NUDT7: variants seen among roughly 807,000 people sequenced by gnomAD.
The protein encoded by NUDT7 is nudix hydrolase 7.
Under a neutral mutation model 13.1 loss-of-function variants are expected in NUDT7, and 19 were observed. The ratio of observed to expected loss-of-function variants is 1.45; its 90% CI spans 1.01 to 2.13. NUDT7 has a LOEUF of 2.13. Among genes scored for constraint, NUDT7 ranks in the 30% most tolerant of loss-of-function variants. The pLI is 0.00. For missense variants in NUDT7, 360 were observed against 291.7 expected (o/e 1.23, Z -1.71); for synonymous variants, 132 against 109.7 (o/e 1.20, Z -1.27).
At chr16:77,734,933 CA>C (rs934739982) in intron 2 of NUDT7, among the ~76,000 whole-genome samples, 3 of 152,094 alleles carry the variant, frequency 2.0e-5, no homozygotes, top group Non-Finnish European at 2.9e-5. Flanking sequence ...TTGTACAACA[CA>C]GTAAATGTAT....
intron 3 of NUDT7, chr16:77,736,800 C>A (rs1227454023): frequency 6.1e-6 from 1 of 162,648 alleles, no homozygotes; most frequent in Non-Finnish European, 1.4e-5. Context: ...ACCACAACAA[C>A]CTCATTGTTT....
intron 2 of NUDT7, among the ~76,000 whole-genome samples, chr16:77,727,066 C>T (rs1266561459): frequency 2.6e-5 from 4 of 152,214 alleles, no homozygotes; most frequent in East Asian, 1.9e-4. Context: ...GATGATGGTG[C>T]TAAACCATGC....
intron 1 of NUDT7, among the ~76,000 whole-genome samples, chr16:77,724,932 A>G (rs1483271386): frequency 2.0e-5 from 3 of 152,224 alleles, no homozygotes; most frequent in Non-Finnish European, 4.4e-5. Flanking sequence ...ACTGAGTCAC[A>G]GTCTGGGACT....
At chr16:77,723,859 C>T (rs550100568) in intron 1 of NUDT7, among the ~76,000 whole-genome samples, 3 of 151,956 alleles carry the variant, frequency 2.0e-5, no homozygotes, top group Non-Finnish European at 2.9e-5. Context: ...CCCAAAGTGC[C>T]GGGATTACAG....
intron 2 of NUDT7, among the ~76,000 whole-genome samples, 169 bp from the exon 3 acceptor site, chr16:77,735,659 T>G (rs1220765547): frequency 6.6e-6 from 1 of 152,208 alleles, no homozygotes; most frequent in Non-Finnish European, 1.5e-5. Context: ...GGTTCATTTC[T>G]TAAAAAGGAT....
In NUDT7 at chr16:77,741,737, C is replaced by G. The variant is rs769236232; in HGVS notation, c.504C>G (p.His168Gln). ...AGCATTACGTCACACGTCTTGGTCA[C>G]CGTTTTATTAATCATATCTTTGAGT... ...HDQHYVTRLG[H>Q]RFINHIFEYT... Residue 168 changes from histidine to glutamine, a missense_variant, in exon 4 of 4, where the codon CAC becomes CAG. By Grantham distance (24) the His-to-Gln change is conservative. Coordinates refer to ENST00000268533, the MANE Select transcript of NUDT7 (RefSeq NM_001105663.3). The G allele has an allele frequency of 6.2e-6, 10 of 1,614,000 alleles. No individual in the cohort carries two copies. The Admixed American group carries it at 1.2e-4, about 19-fold the overall frequency.
At chr16:77,737,133 C>CAA (rs2014512607) in intron 3 of NUDT7, among the ~76,000 whole-genome samples, 1 of 152,146 alleles carries the variant, frequency 6.6e-6, no homozygotes, top group Non-Finnish European at 1.5e-5. Context: ...ACAAAGAAAC[C>CAA]AGTGTCAGCA....
In NUDT7 at chr16:77,735,972, C is replaced by T. The variant is rs961942393; in HGVS notation, c.334C>T (p.Pro112Ser). Residue 112 changes from proline (P) to serine (S), a missense_variant, in exon 3 of 4, where the codon CCA becomes TCA. Coordinates refer to ENST00000268533, the MANE Select transcript of NUDT7 (RefSeq NM_001105663.3). ...AGTGGAAGTTGTCTGCTGCCTGGTG[C>T]CATGTCTTATTGATGTAAGGGTTTC... ...HQVEVVCCLV[P>S]CLIDTDTLIT... 3.7e-6 allele frequency: 6 copies of T among 1,613,920 alleles called. No individual in the cohort carries two copies. The Admixed American group carries it at 6.7e-5, about 18-fold the overall frequency.
intron 2 of NUDT7, among the ~76,000 whole-genome samples, chr16:77,726,913 TCA>T (rs1885799893): frequency 6.6e-6 from 1 of 151,986 alleles, no homozygotes; most frequent in Non-Finnish European, 1.5e-5. Flanking sequence ...AGGCATCTGC[TCA>T]GTTTCTGGAA....
intron 2 of NUDT7, among the ~76,000 whole-genome samples, chr16:77,734,102 A>G (rs1340609686): frequency 6.6e-6 from 1 of 152,060 alleles, no homozygotes; most frequent in Non-Finnish European, 1.5e-5. Flanking sequence ...TCCTTTACCA[A>G]CACACGCAAA....
intron 2 of NUDT7, among the ~76,000 whole-genome samples, chr16:77,728,281 G>A (rs1263705644): frequency 6.6e-6 from 1 of 152,162 alleles, no homozygotes; most frequent in African/African-American, 2.4e-5. Context: ...CGCCCAGGCT[G>A]GAGTGCAGTG....
chr16:77,733,797 C>G (rs183186921), intron 2 of NUDT7, among the ~76,000 whole-genome samples: 1 of 152,332 alleles, frequency 6.6e-6, no homozygotes, highest in East Asian at 1.9e-4. Flanking sequence ...AGGACTCTTG[C>G]TGAGCCTGAG....
At chr16:77,741,058 G>A (rs375121984) in intron 3 of NUDT7, among the ~76,000 whole-genome samples, 1 of 152,154 alleles carries the variant, frequency 6.6e-6, no homozygotes, top group East Asian at 1.9e-4. Context: ...CATAAGTATA[G>A]CACATTTTTT....
rs572027427 is a variant in NUDT7, at chr16:77,741,780, G to A, written c.547G>A (p.Gly183Ser). Reference protein sequence around the residue: ...HIFEYTNPEDGVTYQIKGMTA... With the variant: ...HIFEYTNPEDSVTYQIKGMTA... The stretch of plus-strand genomic sequence containing the variant: ...CTTTGAGTACACAAACCCTGAAGAC[G>A]GTGTCACTTACCAGATCAAGGGAAT... Residue 183 changes from glycine to serine, a missense_variant, in exon 4 of 4, where the codon GGT becomes AGT. By Grantham distance (56) the Gly-to-Ser change is moderately conservative. Coordinates refer to ENST00000268533, the MANE Select transcript of NUDT7 (RefSeq NM_001105663.3). 1.4e-5 allele frequency: 23 copies of A among 1,614,058 alleles called. No individual in the cohort carries two copies. The highest frequency in any genetic ancestry group is 6.7e-5 in the African/African-American group (5 of 74,998).
rs2014676272 is a variant in NUDT7 at position 77,741,832 on chromosome 16, C to A, written c.599C>A (p.Ala200Asp). ...ACGGCAAACCTTGCAGTGTTGGTGG[C>A]CTTTATCATTTTGGAAAAAAAACCC... ...GMTANLAVLVAFIILEKKPTF... is the reference protein window; with the variant it reads ...GMTANLAVLVDFIILEKKPTF... The change falls in exon 4 of 4, where the codon GCC becomes GAC. Residue 200 changes from alanine to aspartate, a missense_variant. Coordinates refer to ENST00000268533, the MANE Select transcript of NUDT7 (RefSeq NM_001105663.3). The A allele has an allele frequency of 1.2e-6, 2 of 1,614,064 alleles. No homozygotes were observed. The highest frequency in any genetic ancestry group is 1.7e-6 in the Non-Finnish European group (2 of 1,180,016).
chr16:77,729,365 C>G (rs1437669166), intron 2 of NUDT7, among the ~76,000 whole-genome samples: 1 of 151,920 alleles, frequency 6.6e-6, no homozygotes, highest in Non-Finnish European at 1.5e-5. Context: ...AATTTACTAC[C>G]TCACATCATA....
chr16:77,725,699 G>GTGA, intron 2 of NUDT7, 115 bp downstream of exon 2: 1 of 915,516 alleles, frequency 1.1e-6, no homozygotes, highest in South Asian at 1.8e-5. Flanking sequence ...TTTCAAAATT[G>GTGA]TGATGTCAGA....
At chr16:77,740,012 T>TA (rs1468215199) in intron 3 of NUDT7, among the ~76,000 whole-genome samples, 2 of 152,122 alleles carry the variant, frequency 1.3e-5, no homozygotes, top group South Asian at 2.1e-4. Flanking sequence ...AGCACTTTCT[T>TA]AAAAAATCAC....
At chr16:77,737,704 C>G (rs1460857709) in intron 3 of NUDT7, among the ~76,000 whole-genome samples, 1 of 152,168 alleles carries the variant, frequency 6.6e-6, no homozygotes, top group African/African-American at 2.4e-5. Flanking sequence ...TCAGGATGGT[C>G]TCGATCTCCT....
Sources: allele counts gnomAD v4.1 joint callset (sites outside exome capture counted in the v4.1 genomes callset), GRCh38; gene constraint gnomAD v4.1.1; transcripts MANE v1.5; gene names NCBI Gene and HGNC (gene_info 2026-07-23, HGNC 2026-07-21).